Variants in BRINP2 observed in about 807,000 individuals in gnomAD.
BRINP2 encodes the protein BMP/retinoic acid-inducible neural-specific protein 2.
In BRINP2, 21 loss-of-function variants were observed where a neutral mutation model predicts 69.2. The ratio of observed to expected loss-of-function variants is 0.30; its 90% confidence interval spans 0.22 to 0.44. The LOEUF (loss-of-function observed/expected upper bound fraction) is 0.44, where lower values mean the gene tolerates loss of function less well. Ranked by LOEUF, BRINP2 falls within the 20% of genes least tolerant of loss-of-function variation. BRINP2 has a pLI of 1.00. For synonymous variants in BRINP2, 380 were observed against 394.1 expected, an observed-to-expected ratio of 0.96 and a Z score of 0.42; for missense variants, 877 against 986.0, an observed-to-expected ratio of 0.89 and a Z score of 1.48.
At chr1:177,228,755 T>C (rs1649775948) in intron 1 of BRINP2, among the ~76,000 whole-genome samples, 1 of 152,184 alleles carries the variant, frequency 6.6e-6, no homozygotes, top group Non-Finnish European at 1.5e-5. Flanking sequence ...AGCCCCACAG[T>C]ACTGAACGGT....
At chr1:177,265,018 C>T (rs972389408) in intron 4 of BRINP2, among the ~76,000 whole-genome samples, 2 of 152,264 alleles carry the variant, frequency 1.3e-5, no homozygotes, top group South Asian at 2.1e-4. Flanking sequence ...GTAAAAAGCA[C>T]AAAGCTGGAG....
intron 1 of BRINP2, among the ~76,000 whole-genome samples, chr1:177,210,100 C>T (rs1248654177): frequency 6.6e-6 from 1 of 152,186 alleles, no homozygotes; most frequent in Admixed American, 6.5e-5. Context: ...ATAGCAAATT[C>T]ACTGACTTCT....
chr1:177,277,747 G>A (rs1342097090), intron 6 of BRINP2, among the ~76,000 whole-genome samples: 2 of 152,002 alleles, frequency 1.3e-5, no homozygotes, highest in African/African-American at 4.8e-5. Flanking sequence ...ATGACTTTGG[G>A]CCTTTACTAC....
chr1:177,240,688 G>C (rs950555530), intron 2 of BRINP2, among the ~76,000 whole-genome samples: 1 of 152,114 alleles, frequency 6.6e-6, no homozygotes, highest in African/African-American at 2.4e-5. Flanking sequence ...TGTGCATGTT[G>C]GTGCCTACAT....
chr1:177,190,899 T>C (rs1648576606), intron 1 of BRINP2, among the ~76,000 whole-genome samples: 1 of 152,198 alleles, frequency 6.6e-6, no homozygotes, highest in South Asian at 2.1e-4. Flanking sequence ...TGAGGACTAA[T>C]AATACAATTT....
intron 1 of BRINP2, among the ~76,000 whole-genome samples, chr1:177,181,790 A>C (rs1335425605): frequency 6.6e-6 from 1 of 152,098 alleles, no homozygotes; most frequent in Non-Finnish European, 1.5e-5. Context: ...GACCTTTCGG[A>C]TTTGAGCCGC....
intron 1 of BRINP2, among the ~76,000 whole-genome samples, chr1:177,192,060 G>C (rs1307524414): frequency 6.6e-6 from 1 of 152,110 alleles, no homozygotes; most frequent in Admixed American, 6.6e-5. Flanking sequence ...CAATCAGTTG[G>C]AATAATGAAA....
chr1:177,246,058 C>T lies in BRINP2; in HGVS notation c.270-9861C>T, dbSNP rs187013137. Among the ~76,000 whole-genome samples the T allele has an allele frequency of 6.4e-4, 98 of 152,286 alleles. 1 individual carries two copies. Among genetic ancestry groups the T allele is most frequent in the Non-Finnish European group, 1.6e-4 (11 of 68,032 alleles). ...CCATGCCAGGCTTCTTGAATTCTCC[C>T]AGACAGTGAAAAGATGGAGAGCACC... On this transcript the variant is annotated intron_variant, in intron 2 of 7. Coordinates refer to ENST00000361539, the MANE Select transcript of BRINP2 (RefSeq NM_021165.4).
In BRINP2 at chr1:177,200,248, C is replaced by T. The variant is rs192064254; in HGVS notation, c.-77+28516C>T. ...CAGAGGTTGCAGTGAGCTGAGATTGCGCCCTTGCTCTCCAGCCTGGGCAAC... is the reference window on the plus strand; with the variant it reads ...CAGAGGTTGCAGTGAGCTGAGATTGTGCCCTTGCTCTCCAGCCTGGGCAAC... On this transcript the variant is annotated intron_variant, in intron 1 of 7. Coordinates refer to ENST00000361539, the MANE Select transcript of BRINP2 (RefSeq NM_021165.4). 5.9e-3 allele frequency among the ~76,000 whole-genome samples: 727 copies of T among 123,240 alleles called. 9 individuals carry two copies. Among genetic ancestry groups the T allele is most frequent in the African/African-American group, 0.026 (694 of 26,998 alleles). 80.9% of individuals were successfully genotyped at this position (123,240 alleles called of 152,430 possible).
In BRINP2 at chr1:177,255,881, G is replaced by A. The variant is rs1270735994; in HGVS notation, c.270-38G>A. ...GATTTTATGCCTCTTGCTCTGAAAC[G>A]AGGTCAGCTTTTCCTTATCCCTTGG... On this transcript the variant is annotated intron_variant, in intron 2 of 7. Coordinates refer to ENST00000361539, the MANE Select transcript of BRINP2 (RefSeq NM_021165.4). 2.5e-6 allele frequency: 4 copies of A among 1,597,134 alleles called. No homozygotes were observed. In the East Asian group the frequency reaches 6.7e-5, roughly 27 times the overall value.
intron 2 of BRINP2, among the ~76,000 whole-genome samples, chr1:177,249,322 T>C (rs1321039331): frequency 6.6e-6 from 1 of 152,224 alleles, no homozygotes; most frequent in Non-Finnish European, 1.5e-5. Context: ...ATGGACTGAA[T>C]TTTTGTTAAT....
intron 4 of BRINP2, among the ~76,000 whole-genome samples, chr1:177,267,505 A>T (rs1377856940): frequency 6.6e-6 from 1 of 152,208 alleles, no homozygotes; most frequent in African/African-American, 2.4e-5. Context: ...CATGGCAGAG[A>T]TCACTACTTT....
intron 1 of BRINP2, among the ~76,000 whole-genome samples, chr1:177,172,143 C>A (rs945658575): frequency 6.6e-6 from 1 of 152,222 alleles, no homozygotes; most frequent in South Asian, 2.1e-4. Flanking sequence ...TGGGAAGGAG[C>A]CCAAAGAGCT....
intron 5 of BRINP2, chr1:177,275,078 A>C (rs896085675): frequency 6.6e-6 from 3 of 454,888 alleles, no homozygotes; most frequent in African/African-American, 6.0e-5. Flanking sequence ...CTTTCCTGGC[A>C]CAAGGTCTCA....
chr1:177,227,306 C>T (rs1211159704), intron 1 of BRINP2, among the ~76,000 whole-genome samples: 3 of 152,114 alleles, frequency 2.0e-5, no homozygotes, highest in Non-Finnish European at 2.9e-5. Flanking sequence ...CTGCAGTCTT[C>T]GAAATGAACA....
At chr1:177,225,636 T>G (rs1355499580) in intron 1 of BRINP2, among the ~76,000 whole-genome samples, 1 of 152,158 alleles carries the variant, frequency 6.6e-6, no homozygotes, top group Non-Finnish European at 1.5e-5. Context: ...AAATTTCTAG[T>G]GATATTATTT....
At chr1:177,274,053 AC>A (rs538831631) in intron 5 of BRINP2, among the ~76,000 whole-genome samples, 115 of 152,332 alleles carry the variant, frequency 7.5e-4, no homozygotes, top group African/African-American at 2.6e-3. Flanking sequence ...GGGGACCACT[AC>A]TTACTGGAAC....
chr1:177,198,861 A>T (rs1408757230), intron 1 of BRINP2, among the ~76,000 whole-genome samples: 1 of 152,194 alleles, frequency 6.6e-6, no homozygotes, highest in African/African-American at 2.4e-5. Context: ...GAGGTTTCTG[A>T]GAGTCAAAAG....
chr1:177,273,799 A>G (rs1651410858), intron 5 of BRINP2, among the ~76,000 whole-genome samples: 1 of 152,226 alleles, frequency 6.6e-6, no homozygotes, highest in African/African-American at 2.4e-5. Context: ...CCTATACCCC[A>G]GACCCATTGC....
Sources: allele counts gnomAD v4.1 joint callset (sites outside exome capture counted in the v4.1 genomes callset), GRCh38; gene constraint gnomAD v4.1.1; transcripts MANE v1.5; gene names NCBI Gene and HGNC (gene_info 2026-07-23, HGNC 2026-07-21).